The following ACLY variants were observed in gnomAD, a reference collection of about 807,000 sequenced individuals.
The protein encoded by ACLY is ATP-citrate synthase.
In ACLY, 41 loss-of-function variants were observed where a neutral mutation model predicts 133.0. The observed-to-expected ratio is 0.31, with a 90% CI of 0.24 to 0.40. The LOEUF is 0.40. ACLY is among the 10% of genes least tolerant of loss of function. The pLI, the probability that ACLY is intolerant of heterozygous loss-of-function variation, is 1.00. For missense variants in ACLY, 1,046 were observed against 1,453.8 expected (o/e 0.72, Z 4.56); for synonymous variants, 495 against 549.3 (o/e 0.90, Z 1.38).
At chr17:41,876,055 G>A (rs1180296827) in intron 22 of ACLY, among the ~76,000 whole-genome samples, 12 of 150,260 alleles carry the variant, frequency 8.0e-5, no homozygotes, top group East Asian at 3.9e-4. Context: ...CTGCCCGGCC[G>A]CCCATCGTCT....
At chr17:41,920,100 C>T (rs115751773), upstream of ACLY, among the ~76,000 whole-genome samples, 530 of 152,332 alleles carry the variant, frequency 3.5e-3, 6 homozygotes, top group African/African-American at 0.012. Context: ...TTGGGTCATA[C>T]TCACACTGCA....
intron 10 of ACLY, among the ~76,000 whole-genome samples, chr17:41,904,181 G>A (rs1237975182): frequency 3.3e-5 from 4 of 122,318 alleles, no homozygotes; most frequent in African/African-American, 9.3e-5. Flanking sequence ...AGGGAGGAAA[G>A]GAAGGAAGGG....
Position 41,869,605 on chromosome 17 carries a change from G to A in ACLY, c.2938-18C>T, listed in dbSNP as rs2048548238. ...TTGTTTATCTAGAAATGAACCCAACGGTACAGAGGAACACTCACACACTGC... is the reference window on the plus strand; with the variant it reads ...TTGTTTATCTAGAAATGAACCCAACAGTACAGAGGAACACTCACACACTGC... On this transcript the variant is annotated intron_variant, in intron 25 of 28. Coordinates refer to ENST00000352035, the MANE Select transcript of ACLY (RefSeq NM_001096.3). The A allele has an allele frequency of 3.1e-6, 5 of 1,588,990 alleles. No individual in the cohort carries two copies. The highest frequency in any genetic ancestry group is 4.3e-6 in the Non-Finnish European group (5 of 1,157,288).
In ACLY at chr17:41,873,980, G is replaced by T; in HGVS notation, c.2488-15C>A. The T allele has an allele frequency of 1.3e-6, 2 of 1,579,662 alleles. No individual in the cohort carries two copies. The highest frequency in any genetic ancestry group is 1.8e-4 in the Middle Eastern group (1 of 5,408). ...AAACCAAGCTCCTGGGCAGAGATGG[G>T]GAAGAGGGAAGCAGGGCCCTGGTGA... is the stretch of plus-strand genomic sequence containing the variant. On this transcript the variant is annotated splice_polypyrimidine_tract_variant and intron_variant, in intron 22 of 28. Coordinates refer to ENST00000352035, the MANE Select transcript of ACLY (RefSeq NM_001096.3).
intron 20 of ACLY, among the ~76,000 whole-genome samples, chr17:41,879,949 C>G (rs914363664): frequency 1.3e-5 from 2 of 152,116 alleles, no homozygotes; most frequent in South Asian, 4.2e-4. Flanking sequence ...AGGCTGGTCT[C>G]CAACTCCTGG....
intron 20 of ACLY, among the ~76,000 whole-genome samples, chr17:41,881,198 G>A (rs1226641599): frequency 2.6e-5 from 4 of 152,034 alleles, no homozygotes; most frequent in African/African-American, 7.2e-5. Flanking sequence ...GGGAGGCCGA[G>A]GCAGGTGGAT....
upstream of ACLY, among the ~76,000 whole-genome samples, chr17:41,920,447 A>C (rs2050163483): frequency 6.6e-6 from 1 of 151,978 alleles, no homozygotes; most frequent in African/African-American, 2.4e-5. Flanking sequence ...AAAATTAGCC[A>C]GGCATGGTGG....
rs536929597 is a variant in ACLY at position 41,916,792 on chromosome 17, T to C, written c.-24+2088A>G. 1.1e-4 allele frequency among the ~76,000 whole-genome samples: 16 copies of C among 152,250 alleles called. No homozygotes were observed. In the South Asian group the frequency reaches 3.3e-3, roughly 32 times the overall value. ...AGGTACACAAATCCAATTGTGCATA[T>C]TGTTTCAAGGTGCTCACCTGTGACA... On this transcript the variant is annotated intron_variant, in intron 1 of 28. Transcript: ENST00000352035.
At chr17:41,926,777 C>A (rs1555636021) in intron 1 of ACLY, among the ~76,000 whole-genome samples, 1 of 152,194 alleles carries the variant, frequency 6.6e-6, no homozygotes, top group Non-Finnish European at 1.5e-5. Flanking sequence ...GCATAAGCCA[C>A]CACGCCAGGC....
chr17:41,905,754 G>A (rs1555632539), intron 8 of ACLY, 96 bp from the exon 9 acceptor site: 2 of 1,489,762 alleles, frequency 1.3e-6, no homozygotes, highest in East Asian at 4.5e-5. Context: ...TCAAAACACT[G>A]GAGTTAGCCT....
intron 3 of ACLY, 60 bp downstream of exon 3, chr17:41,912,360 G>A (rs2304499): frequency 0.76 from 1,206,810 of 1,590,688 alleles, 460,524 homozygotes; most frequent in Admixed American, 0.87. Flanking sequence ...TGCTGACCTG[G>A]AGGTGACCAT....
intron 18 of ACLY, among the ~76,000 whole-genome samples, chr17:41,885,085 G>T (rs1227324939): frequency 6.6e-6 from 1 of 152,030 alleles, no homozygotes; most frequent in Non-Finnish European, 1.5e-5. Context: ...AGACTGTGTT[G>T]CCTCAGCTAG....
chr17:41,897,515 G>T (rs533314094), intron 13 of ACLY, among the ~76,000 whole-genome samples: 1 of 152,164 alleles, frequency 6.6e-6, no homozygotes, highest in African/African-American at 2.4e-5. Context: ...AGGGGTAGAA[G>T]AGAATAGGGG....
At position 41,898,529 on chromosome 17, in the gene ACLY, G is replaced by A; in HGVS notation, c.1338+102C>T. On this transcript the variant is annotated intron_variant, in intron 12 of 28. Coordinates refer to ENST00000352035, the MANE Select transcript of ACLY (RefSeq NM_001096.3). ...AACCAACCATGCACTAACTCCCGCT[G>A]TATTTCCTCTATGCCCCCAGGGAAC... 9.7e-6 allele frequency: 14 copies of A among 1,446,900 alleles called. No individual in the cohort carries two copies. In the South Asian group the frequency reaches 1.6e-4, roughly 17 times the overall value. The allele number at this position is 1,446,900 out of a possible 1,614,324, so 89.6% of individuals were successfully genotyped here. A position where few individuals can be genotyped will look rare whatever the true frequency, so the allele number is the denominator to read the frequency against.
intron 4 of ACLY, among the ~76,000 whole-genome samples, chr17:41,909,977 G>A (rs1203246683): frequency 2.6e-5 from 4 of 152,120 alleles, no homozygotes; most frequent in African/African-American, 9.7e-5. Context: ...CCTGCAGGTC[G>A]TTCTCATCCC....
intron 10 of ACLY, among the ~76,000 whole-genome samples, chr17:41,903,903 TGAGGTCAGTTC>T (rs1288477754): frequency 6.6e-6 from 1 of 151,310 alleles, no homozygotes; most frequent in Non-Finnish European, 1.5e-5. Flanking sequence ...GTGGATCACC[TGAGGTCAGTTC>T]GAGACTAGCC....
At chr17:41,876,679 C>T (rs1405870873) in intron 22 of ACLY, among the ~76,000 whole-genome samples, 2 of 152,188 alleles carry the variant, frequency 1.3e-5, no homozygotes, top group South Asian at 2.1e-4. Flanking sequence ...AAGGGCAGTG[C>T]AAGGTGTGCT....
chr17:41,891,387 C>T (rs1215652436), intron 16 of ACLY, among the ~76,000 whole-genome samples: 1 of 151,616 alleles, frequency 6.6e-6, no homozygotes, highest in African/African-American at 2.4e-5. Context: ...GCCTGAGCCA[C>T]CTCATTTATT....
intron 20 of ACLY, among the ~76,000 whole-genome samples, chr17:41,881,286 C>T (rs916702371): frequency 7.1e-4 from 107 of 151,668 alleles, no homozygotes; most frequent in African/African-American, 2.5e-3. Flanking sequence ...AAAAATTAGC[C>T]GGGCGTGGTG....
Sources: allele counts gnomAD v4.1 joint callset (sites outside exome capture counted in the v4.1 genomes callset), GRCh38; gene constraint gnomAD v4.1.1; transcripts MANE v1.5; gene names NCBI Gene and HGNC (gene_info 2026-07-23, HGNC 2026-07-21).